Variants in SOX6 observed in about 807,000 individuals in gnomAD.
SOX6 encodes the protein transcription factor SOX-6.
Under a neutral mutation model 97.8 loss-of-function variants are expected in SOX6, and 11 were observed. The ratio of observed to expected loss-of-function variants is 0.11; its 90% CI spans 0.07 to 0.19. SOX6 has a LOEUF of 0.19. SOX6 is among the 10% of genes least tolerant of loss of function. SOX6 has a pLI of 1.00. For synonymous variants in SOX6, 360 were observed against 371.4 expected, an observed-to-expected ratio of 0.97 and a Z score of 0.35; for missense variants, 810 against 1,039.5, an observed-to-expected ratio of 0.78 and a Z score of 3.04.
intron 14 of SOX6, 147 bp from the exon 15 acceptor site, chr11:15,986,567 T>G: frequency 1.4e-6 from 1 of 727,118 alleles, no homozygotes; most frequent in Non-Finnish European, 2.4e-6. Flanking sequence ...CCAACTATAC[T>G]TTTAGTCTAT....
intron 1 of SOX6, among the ~76,000 whole-genome samples, chr11:16,427,664 A>T (rs533252911): frequency 6.6e-6 from 1 of 152,162 alleles, no homozygotes; most frequent in African/African-American, 2.4e-5. Flanking sequence ...TGAACTCATC[A>T]TTTTTTATGG....
intron 4 of SOX6, among the ~76,000 whole-genome samples, chr11:16,492,849 G>T (rs543644884): frequency 6.6e-5 from 10 of 152,226 alleles, no homozygotes; most frequent in Admixed American, 5.9e-4. Context: ...TTTCTATATG[G>T]CCAATAAACA....
intron 3 of SOX6, among the ~76,000 whole-genome samples, chr11:16,699,424 G>A (rs1175576389): frequency 6.6e-6 from 1 of 151,956 alleles, no homozygotes; most frequent in Non-Finnish European, 1.5e-5. Context: ...ATTTGTGTCA[G>A]AATTACTTGG....
chr11:16,176,308 T>C (rs1333292267), intron 6 of SOX6, among the ~76,000 whole-genome samples: 1 of 151,904 alleles, frequency 6.6e-6, no homozygotes, highest in East Asian at 1.9e-4. Context: ...ATCTTTGGGA[T>C]AGGCATCAGT....
chr11:16,569,913 T>C (rs975313010), intron 4 of SOX6, among the ~76,000 whole-genome samples: 4 of 149,890 alleles, frequency 2.7e-5, no homozygotes, highest in African/African-American at 9.9e-5. Context: ...ACTAGGCTTT[T>C]GTATTTTTAG....
At chr11:16,015,099 C>T (rs1483644952) in intron 12 of SOX6, 49 bp from the exon 13 acceptor site, 1 of 1,503,722 alleles carries the variant, frequency 6.7e-7, no homozygotes, top group Non-Finnish European at 9.2e-7. Flanking sequence ...AAAACAGCCA[C>T]CATTTCCTTC....
At chr11:16,162,681 C>A (rs183529309) in intron 6 of SOX6, among the ~76,000 whole-genome samples, 15 of 152,276 alleles carry the variant, frequency 9.9e-5, no homozygotes, top group Admixed American at 9.8e-4. Context: ...GCCTGCAGAA[C>A]CATGAGCCTT....
At chr11:16,642,369 T>A (rs10832662) in intron 3 of SOX6, among the ~76,000 whole-genome samples, 1 of 151,890 alleles carries the variant, frequency 6.6e-6, no homozygotes, top group Non-Finnish European at 1.5e-5. Context: ...TCATTTCAAC[T>A]TTGGTGAATC....
At chr11:16,523,672 C>G (rs1266705039) in intron 4 of SOX6, among the ~76,000 whole-genome samples, 2 of 151,948 alleles carry the variant, frequency 1.3e-5, no homozygotes, top group Non-Finnish European at 2.9e-5. Context: ...AAAAACACTT[C>G]AAAAAATTAA....
chr11:16,088,545 G>A (rs1008468413), intron 9 of SOX6, among the ~76,000 whole-genome samples: 18 of 151,966 alleles, frequency 1.2e-4, no homozygotes, highest in African/African-American at 4.4e-4. Context: ...TCACATAGTT[G>A]GAATCATGTA....
chr11:16,258,170 C>G (rs1016987531), intron 3 of SOX6, among the ~76,000 whole-genome samples: 1 of 151,924 alleles, frequency 6.6e-6, no homozygotes, highest in Non-Finnish European at 1.5e-5. Context: ...TCTTATAAAA[C>G]TAACATTCTC....
At chr11:16,475,841 G>A (rs1030001323) in intron 1 of SOX6, among the ~76,000 whole-genome samples, 1 of 152,072 alleles carries the variant, frequency 6.6e-6, no homozygotes, top group East Asian at 1.9e-4. Context: ...GCAATAAAAC[G>A]AGGTATGCCT....
chr11:16,223,857 T>A (rs1024221319), intron 4 of SOX6, among the ~76,000 whole-genome samples: 3 of 152,150 alleles, frequency 2.0e-5, no homozygotes, highest in African/African-American at 7.2e-5. Flanking sequence ...TTAGCTATGT[T>A]TATTTTCATC....
rs566429458 is a variant in SOX6 at position 16,375,970 on chromosome 11, T to A, written c.-4-34718A>T. Among the ~76,000 whole-genome samples the A allele has an allele frequency of 5.3e-5, 8 of 151,592 alleles. No individual in the cohort carries two copies. The South Asian group carries it at 1.5e-3, about 28-fold the overall frequency. ...GCATGTTCTCACTCATAAGTGGGAG[T>A]TGAACAATGAGAACACATGGACACA... On this transcript the variant is annotated intron_variant, in intron 1 of 15. Transcript: ENST00000396356.
At chr11:16,024,597 T>G (rs1387502042) in intron 12 of SOX6, among the ~76,000 whole-genome samples, 2 of 151,788 alleles carry the variant, frequency 1.3e-5, no homozygotes, top group African/African-American at 4.8e-5. Context: ...ACAGGAAGAT[T>G]TATACTTGAG....
chr11:16,186,858 T>C lies in SOX6; in HGVS notation c.633A>G (p.Glu211=). The C allele has an allele frequency of 6.2e-7, 1 of 1,613,800 alleles. No homozygotes were observed. The highest frequency in any genetic ancestry group is 1.1e-5 in the South Asian group (1 of 91,074). The change falls in exon 5 of 16, where the codon GAA becomes GAG. Residue 211 remains glutamate (E), a synonymous_variant. Coordinates refer to ENST00000683767, the MANE Select transcript of SOX6 (RefSeq NM_001367873.1). Reference sequence around the variant, plus strand: ...TTTGTGACGCTGCCAGTTTTTTCTGTTCATCATGCGCTGCCAGTAGCTGCT... The same window carrying C: ...TTTGTGACGCTGCCAGTTTTTTCTGCTCATCATGCGCTGCCAGTAGCTGCT... ...LREQLLAAHD[E]QKKLAASQIE... is the part of the protein sequence containing the mutation.
At chr11:16,296,000 T>C (rs1161810132) in intron 3 of SOX6, among the ~76,000 whole-genome samples, 1 of 152,136 alleles carries the variant, frequency 6.6e-6, no homozygotes, top group Non-Finnish European at 1.5e-5. Context: ...AATTATCTAG[T>C]CCTGGGGCAA....
At chr11:16,477,570 G>A (rs1407673000), upstream of SOX6, among the ~76,000 whole-genome samples, 1 of 152,202 alleles carries the variant, frequency 6.6e-6, no homozygotes, top group African/African-American at 2.4e-5. Flanking sequence ...AGATAATAGA[G>A]CCAGGTGCAG....
At chr11:16,293,478 C>A (rs961014776) in intron 3 of SOX6, among the ~76,000 whole-genome samples, 1 of 152,108 alleles carries the variant, frequency 6.6e-6, no homozygotes, top group African/African-American at 2.4e-5. Context: ...TCTAAGAGAG[C>A]ACTGCCCTAC....
Sources: allele counts gnomAD v4.1 joint callset (sites outside exome capture counted in the v4.1 genomes callset), GRCh38; gene constraint gnomAD v4.1.1; transcripts MANE v1.5; gene names NCBI Gene and HGNC (gene_info 2026-07-23, HGNC 2026-07-21).